Variants in FBXO7 observed in about 807,000 individuals in gnomAD.
The protein encoded by FBXO7 is F-box only protein 7.
A neutral mutation model predicts 50.2 loss-of-function variants in FBXO7; 31 were observed. The observed-to-expected ratio is 0.62, with a 90% CI of 0.46 to 0.83. The LOEUF (loss-of-function observed/expected upper bound fraction) is 0.83, where lower values mean the gene tolerates loss of function less well. FBXO7 is among the 40% of genes least tolerant of loss of function. The pLI is 0.00. For synonymous variants in FBXO7, 256 were observed against 253.1 expected, an observed-to-expected ratio of 1.01 and a Z score of -0.11; for missense variants, 667 against 646.6, an observed-to-expected ratio of 1.03 and a Z score of -0.34.
chr22:32,489,752 T>C (rs2057522515), intron 5 of FBXO7: 1 of 152,258 alleles, frequency 6.6e-6, no homozygotes, highest in Non-Finnish European at 1.5e-5. Flanking sequence ...TATAATGAAG[T>C]ATTTTTAATA....
At chr22:32,476,531 C>G (rs2057430108) in intron 1 of FBXO7, among the ~76,000 whole-genome samples, 1 of 152,152 alleles carries the variant, frequency 6.6e-6, no homozygotes, top group Non-Finnish European at 1.5e-5. Context: ...TAAGCTTCAG[C>G]TTGTGAAAGT....
intron 7 of FBXO7, among the ~76,000 whole-genome samples, chr22:32,494,573 C>T (rs986742257): frequency 6.6e-6 from 1 of 151,402 alleles, no homozygotes; most frequent in Non-Finnish European, 1.5e-5. Flanking sequence ...TCAGGCTGGT[C>T]TCCAACTCAA....
chr22:32,498,166 A>G lies in FBXO7; in HGVS notation c.1205A>G (p.Gln402Arg), dbSNP rs1690762656. 2 of 1,614,040 alleles carry G rather than the reference A, an allele frequency of 1.2e-6. No homozygotes were observed. The highest frequency in any genetic ancestry group is 1.6e-4 in the Middle Eastern group (1 of 6,084). ...CAGCTGTACAGGAAGAGGCACATAC[A>G]AAGAAAAGAATCCCCGAAAGGGCGG... ...WKELYRKRHI[Q>R]RKESPKGRFV... Residue 402 changes from glutamine to arginine, a missense_variant, in exon 9 of 9, where the codon CAA becomes CGA. Gln to Arg is a conservative substitution (Grantham distance 43). Transcript: ENST00000266087.
rs1299121508 is a variant in FBXO7 at position 32,474,882 on chromosome 22, C to T, written c.-121C>T. On this transcript the variant is annotated 5_prime_UTR_variant, in exon 1 of 9. Transcript: ENST00000266087. The stretch of plus-strand genomic sequence containing the variant: ...TCTTTCCCCGTTTCGCCTCAGCTAC[C>T]CCTCAGCTCCGGTAGTCGCCAGTCC... 1.0e-6 allele frequency: 1 copy of T among 979,700 alleles called. No homozygotes were observed. The allele number at this position is 979,700 out of a possible 1,614,324, so 60.7% of individuals were successfully genotyped here.
chr22:32,479,469 C>T (rs529050172), intron 2 of FBXO7, among the ~76,000 whole-genome samples, 194 bp downstream of exon 2: 261 of 149,838 alleles, frequency 1.7e-3, no homozygotes, highest in Non-Finnish European at 3.1e-3. Context: ...GCAATCTCTG[C>T]TCACTGCAAC....
At chr22:32,491,272 T>G (rs1303827526) in intron 6 of FBXO7, 91 bp downstream of exon 6, 3 of 898,072 alleles carry the variant, frequency 3.3e-6, no homozygotes, top group African/African-American at 1.6e-5. Context: ...CTGACTGCCC[T>G]CTTTTCTGCT....
intron 7 of FBXO7, among the ~76,000 whole-genome samples, 200 bp downstream of exon 7, chr22:32,493,481 C>T (rs572938281): frequency 6.6e-6 from 1 of 152,176 alleles, no homozygotes; most frequent in South Asian, 2.1e-4. Context: ...CAACACAAAT[C>T]ACTCATTAGA....
At position 32,485,073 on chromosome 22, in the gene FBXO7, C is replaced by T. The variant is rs371348055; in HGVS notation, c.651C>T (p.Thr217=). ...CCTTTCATTTCGTTCCCCAGGGCAC[C>T]GAAGCCAAAGCACTGTCCATGCCGG... ...MLESGYIPQG[T]EAKALSMPEK... Residue 217 remains threonine, a synonymous_variant, in exon 4 of 9, where the codon ACC becomes ACT. Transcript: ENST00000266087. 22 of 1,613,942 alleles carry T rather than the reference C, an allele frequency of 1.4e-5. No individual in the cohort carries two copies. Among genetic ancestry groups the T allele is most frequent in the South Asian group, 2.2e-5 (2 of 91,080 alleles).
rs1243603705 is a variant in FBXO7, at chr22:32,498,315, C to A, written c.1354C>A (p.Pro452Thr). The A allele has an allele frequency of 1.2e-6, 2 of 1,614,186 alleles. No individual in the cohort carries two copies. The highest frequency in any genetic ancestry group is 3.3e-5 in the Admixed American group (2 of 60,030). ...GIIGGEYDQR[P>T]TLPYVGDPIS... is the part of the protein sequence containing the mutation. ...TATCGGGGGTGAATATGACCAAAGACCAACACTTCCCTATGTTGGAGACCC... is the reference window on the plus strand; with the variant it reads ...TATCGGGGGTGAATATGACCAAAGAACAACACTTCCCTATGTTGGAGACCC... Residue 452 changes from proline (P) to threonine (T), a missense_variant, in exon 9 of 9, where the codon CCA (proline) becomes ACA (threonine). Transcript: ENST00000266087.
Position 32,493,572 on chromosome 22 carries a change from G to A in FBXO7, c.1144+291G>A, listed in dbSNP as rs376835562. Among the ~76,000 whole-genome samples, 43 of 152,332 alleles carry A rather than the reference G, an allele frequency of 2.8e-4. 2 individuals carry two copies. In the South Asian group the frequency reaches 5.4e-3, roughly 19 times the overall value. The stretch of plus-strand genomic sequence containing the variant: ...CTAGAGACCATAGTCAGTATCTGAC[G>A]TAGAAACGAGCTGGCATTTCTGAAC... On this transcript the variant is annotated intron_variant, in intron 7 of 8. Transcript: ENST00000266087.
rs754811367 is a variant in FBXO7, at chr22:32,493,146, T to C, written c.1009T>C (p.Leu337=). The part of the protein sequence containing the change: ...PDVFGLVVLP[L]ELKLRIFRLL... ...TGTATTTGGGTTGGTCGTCCTCCCA[T>C]TGGAACTGAAACTACGGATCTTCCG... Residue 337 remains leucine (L), a synonymous_variant, in exon 7 of 9, where the codon TTG becomes CTG. Coordinates refer to ENST00000266087, the MANE Select transcript of FBXO7 (RefSeq NM_012179.4). The C allele has an allele frequency of 1.9e-5, 30 of 1,614,114 alleles. No individual in the cohort carries two copies. The highest frequency in any genetic ancestry group is 2.2e-5 in the Non-Finnish European group (26 of 1,180,026).
Position 32,474,866 on chromosome 22 carries a change from G to C in FBXO7, c.-137G>C. On this transcript the variant is annotated 5_prime_UTR_variant, in exon 1 of 9. Transcript: ENST00000266087. ...GCCACTGTGGCGGGGCTCTTTCCCC[G>C]TTTCGCCTCAGCTACCCCTCAGCTC... The C allele has an allele frequency of 1.2e-6, 1 of 842,702 alleles. No individual in the cohort carries two copies. Among genetic ancestry groups the C allele is most frequent in the African/African-American group, 1.8e-5 (1 of 55,516 alleles). The allele number at this position is 842,702 out of a possible 1,614,324, so 52.2% of individuals were successfully genotyped here.
chr22:32,483,921 G>A lies in FBXO7; in HGVS notation c.442G>A (p.Ala148Thr). The A allele has an allele frequency of 1.2e-6, 2 of 1,614,122 alleles. No individual in the cohort carries two copies. Among genetic ancestry groups the A allele is most frequent in the South Asian group, 1.1e-5 (1 of 91,082 alleles). ...GTTAGGGCCTAGTCAAAATTTTGAAGCTGAGTCAATTCAAGATAATGCGCA... is the reference window on the plus strand; with the variant it reads ...GTTAGGGCCTAGTCAAAATTTTGAAACTGAGTCAATTCAAGATAATGCGCA... ...SMLGPSQNFE[A>T]ESIQDNAHMA... Residue 148 changes from alanine to threonine, a missense_variant, in exon 3 of 9, where the codon GCT (alanine) becomes ACT (threonine). Ala to Thr is a moderately conservative substitution (Grantham distance 58). Coordinates refer to ENST00000266087, the MANE Select transcript of FBXO7 (RefSeq NM_012179.4).
intron 1 of FBXO7, among the ~76,000 whole-genome samples, chr22:32,476,704 A>G (rs1459843650): frequency 6.6e-6 from 1 of 152,218 alleles, no homozygotes; most frequent in African/African-American, 2.4e-5. Flanking sequence ...GAGAAAAGTG[A>G]AAGCAAGTTT....
In FBXO7 at chr22:32,475,452, G is replaced by A. The variant is rs967695403; in HGVS notation, c.122+328G>A. ...AACGGAACCAGGGAGAGGAGGGAAC[G>A]CACAATTTCCACAACTGGTTAGATT... is the stretch of plus-strand genomic sequence containing the variant. On this transcript the variant is annotated intron_variant, in intron 1 of 8. Coordinates refer to ENST00000266087, the MANE Select transcript of FBXO7 (RefSeq NM_012179.4). The A allele has an allele frequency of 4.8e-5, 77 of 1,599,400 alleles. 1 individual carries two copies. In the East Asian group the frequency reaches 1.6e-3, roughly 34 times the overall value.
intron 7 of FBXO7, among the ~76,000 whole-genome samples, 191 bp downstream of exon 7, chr22:32,493,472 A>G (rs2057552029): frequency 6.6e-6 from 1 of 152,234 alleles, no homozygotes; most frequent in African/African-American, 2.4e-5. Flanking sequence ...TGTTTTGCAC[A>G]ACACAAATCA....
At chr22:32,485,351 A>T in intron 4 of FBXO7, 142 bp downstream of exon 4, 2 of 1,088,430 alleles carry the variant, frequency 1.8e-6, no homozygotes, top group Non-Finnish European at 2.8e-6. Flanking sequence ...TAGGCCACTG[A>T]TAACATGTGT....
chr22:32,487,994 G>A, intron 5 of FBXO7, 166 bp downstream of exon 5: 2 of 597,268 alleles, frequency 3.3e-6, no homozygotes, highest in South Asian at 4.0e-5. Flanking sequence ...AAATGTGAAA[G>A]TTTTGCTTAT....
chr22:32,495,365 T>A, intron 7 of FBXO7, 128 bp from the exon 8 acceptor site: 2 of 588,580 alleles, frequency 3.4e-6, no homozygotes, highest in Non-Finnish European at 5.9e-6. Context: ...ATATAAATGG[T>A]TAGTTTTTTT....
Sources: allele counts gnomAD v4.1 joint callset (sites outside exome capture counted in the v4.1 genomes callset), GRCh38; gene constraint gnomAD v4.1.1; transcripts MANE v1.5; gene names NCBI Gene and HGNC (gene_info 2026-07-23, HGNC 2026-07-21).